AKAP19: variants seen among roughly 807,000 people sequenced by gnomAD.
AKAP19 encodes A-kinase anchoring protein 19, also known as small A-kinase anchoring protein.
chr2:190,045,474 A>T, the AKAP19 span, among the ~76,000 whole-genome samples: 1 of 151,918 alleles, frequency 6.6e-6, no homozygotes, highest in Non-Finnish European at 1.5e-5. Context: ...GAGGAATGGG[A>T]TTGGGCACCC....
At chr2:190,101,733 C>A in the AKAP19 span, among the ~76,000 whole-genome samples, 1 of 151,870 alleles carries the variant, frequency 6.6e-6, no homozygotes, top group Non-Finnish European at 1.5e-5. Flanking sequence ...CTTACACAGC[C>A]ACACAGTAAT....
the AKAP19 span, among the ~76,000 whole-genome samples, chr2:190,110,806 C>A: frequency 6.6e-6 from 1 of 152,142 alleles, no homozygotes; most frequent in African/African-American, 2.4e-5. Context: ...TGTATGCTGG[C>A]ACTTTCCGAT....
At chr2:190,138,752 C>T in the AKAP19 span, among the ~76,000 whole-genome samples, 1 of 152,186 alleles carries the variant, frequency 6.6e-6, no homozygotes, top group East Asian at 1.9e-4. Context: ...TTGTCCATAC[C>T]TCATAAGCCA....
chr2:189,973,883 A>G, the AKAP19 span, among the ~76,000 whole-genome samples: 1 of 151,346 alleles, frequency 6.6e-6, no homozygotes, highest in African/African-American at 2.4e-5. Context: ...TTTTCTTATT[A>G]GTCTTGCTAG....
the AKAP19 span, among the ~76,000 whole-genome samples, chr2:189,963,513 G>C: frequency 6.6e-6 from 1 of 151,880 alleles, no homozygotes; most frequent in Non-Finnish European, 1.5e-5. Context: ...ACTTCTAATT[G>C]CTATTGCTAC....
At chr2:190,071,815 A>G in the AKAP19 span, among the ~76,000 whole-genome samples, 1 of 152,160 alleles carries the variant, frequency 6.6e-6, no homozygotes, top group South Asian at 2.1e-4. Context: ...AAGAAACTAG[A>G]AAGAAAAAAG....
chr2:190,174,312 C>A, the AKAP19 span, among the ~76,000 whole-genome samples: 1 of 152,292 alleles, frequency 6.6e-6, no homozygotes, highest in South Asian at 2.1e-4. Context: ...GCATTTACTT[C>A]CAACACTGCC....
At chr2:190,128,518 T>C in the AKAP19 span, among the ~76,000 whole-genome samples, 1 of 152,212 alleles carries the variant, frequency 6.6e-6, no homozygotes, top group Non-Finnish European at 1.5e-5. Flanking sequence ...CGGAGTCTAG[T>C]GCTGGTTCTG....
At chr2:190,005,224 G>C in the AKAP19 span, among the ~76,000 whole-genome samples, 3 of 152,186 alleles carry the variant, frequency 2.0e-5, no homozygotes, top group Non-Finnish European at 4.4e-5. Flanking sequence ...CATGCAGGGA[G>C]ACCTGACCAG....
At chr2:190,014,778 G>A in the AKAP19 span, among the ~76,000 whole-genome samples, 1 of 152,122 alleles carries the variant, frequency 6.6e-6, no homozygotes, top group Non-Finnish European at 1.5e-5. Context: ...CTGGGGTACA[G>A]GCATTGGATA....
the AKAP19 span, among the ~76,000 whole-genome samples, chr2:189,944,549 G>A: frequency 6.6e-6 from 1 of 151,978 alleles, no homozygotes; most frequent in Non-Finnish European, 1.5e-5. Flanking sequence ...TTTAGCAAGA[G>A]GATATAATAA....
chr2:189,949,772 C>G, the AKAP19 span, among the ~76,000 whole-genome samples: 409 of 151,028 alleles, frequency 2.7e-3, 1 homozygote, highest in Non-Finnish European at 4.8e-3. Flanking sequence ...GCTGGGACTA[C>G]AGGTGCATGC....
chr2:189,931,086 T>C, the AKAP19 span: 2 of 425,454 alleles, frequency 4.7e-6, no homozygotes, highest in African/African-American at 4.1e-5. Flanking sequence ...AATTAATAAG[T>C]ATGTGGGATA....
chr2:190,134,656 T>C, the AKAP19 span, among the ~76,000 whole-genome samples: 2 of 118,062 alleles, frequency 1.7e-5, no homozygotes, highest in South Asian at 2.4e-4. Flanking sequence ...GAAGCTTATT[T>C]CCTATTCCCA....
At chr2:189,923,497 C>T in the AKAP19 span, 1 of 1,613,858 alleles carries the variant, frequency 6.2e-7, no homozygotes, top group East Asian at 2.2e-5. Context: ...GCTTTGCCTT[C>T]TTTCAGTATG....
chr2:189,903,132 G>A, the AKAP19 span, among the ~76,000 whole-genome samples: 1 of 151,394 alleles, frequency 6.6e-6, no homozygotes, highest in Admixed American at 6.6e-5. Context: ...GTAAAAGATG[G>A]GCAAGATAGC....
the AKAP19 span, among the ~76,000 whole-genome samples, chr2:190,001,414 T>A: frequency 1.3e-5 from 2 of 152,222 alleles, no homozygotes; most frequent in Non-Finnish European, 2.9e-5. Context: ...TGTGGAAAAC[T>A]GTACAGGACC....
At chr2:190,036,268 C>G in the AKAP19 span, among the ~76,000 whole-genome samples, 1 of 152,172 alleles carries the variant, frequency 6.6e-6, no homozygotes, top group African/African-American at 2.4e-5. Context: ...GCCTTGCCAA[C>G]TATACGCTCC....
the AKAP19 span, among the ~76,000 whole-genome samples, chr2:190,065,196 C>T: frequency 5.9e-5 from 9 of 152,058 alleles, no homozygotes; most frequent in East Asian, 5.8e-4. Context: ...AAAATGGCCC[C>T]CAAGCATAGT....
Sources: gnomAD v4.1 joint callset for allele counts (sites outside exome capture counted in the v4.1 genomes callset) on GRCh38, gnomAD v4.1.1 for gene constraint, MANE v1.5 for transcripts, NCBI Gene and HGNC (gene_info 2026-07-23, HGNC 2026-07-21) for gene names.